OSTN: variants seen among roughly 807,000 people sequenced by gnomAD.
The protein encoded by OSTN is osteocrin.
Under a neutral mutation model 12.0 loss-of-function variants are expected in OSTN, and 9 were observed. That is an observed-to-expected ratio of 0.75 (90% CI 0.45 to 1.30). OSTN has a LOEUF of 1.30. Among genes scored for constraint, OSTN ranks in the 50% most tolerant of loss-of-function variants. OSTN has a pLI of 0.00. For missense variants in OSTN, 148 were observed against 152.3 expected (o/e 0.97, Z 0.15); for synonymous variants, 59 against 56.9 (o/e 1.04, Z -0.16).
At position 191,216,947 on chromosome 3, in the gene OSTN, A is replaced by T. The variant is rs1207136443; in HGVS notation, c.103-1800A>T. The T allele has an allele frequency of 2.6e-5, 4 of 152,388 alleles. No homozygotes were observed. In the East Asian group the frequency reaches 7.7e-4, roughly 29 times the overall value. The allele number at this position is 152,388 out of a possible 1,614,324, so 9.4% of individuals were successfully genotyped here. A position where few individuals can be genotyped will look rare whatever the true frequency, so the allele number is the denominator to read the frequency against. ...CAAAGTTGCTTCCACATTTTTGGGT[A>T]TCTTTATAGCAACACCCCACTCTCT... is the stretch of plus-strand genomic sequence containing the variant. On this transcript the variant is annotated intron_variant, in intron 2 of 4. Transcript: ENST00000682035.
Position 191,218,740 on chromosome 3 carries a change from C to CT in OSTN, c.103-5dup. 2 of 1,612,312 alleles carry CT rather than the reference C, an allele frequency of 1.2e-6. No homozygotes were observed. The stretch of plus-strand genomic sequence containing the variant: ...AATTAACGGAATCGCCTTTCTCTGC[C>CT]TTATAGGCCTTTGATTCTGGAGTCA... On this transcript the variant is annotated splice_polypyrimidine_tract_variant and splice_region_variant and intron_variant, in intron 2 of 4. Coordinates refer to ENST00000682035, the MANE Select transcript of OSTN (RefSeq NM_198184.2).
At chr3:191,207,291 C>A (rs933173660) in intron 1 of OSTN, among the ~76,000 whole-genome samples, 2 of 151,978 alleles carry the variant, frequency 1.3e-5, no homozygotes, top group African/African-American at 2.4e-5. Flanking sequence ...AAACCTAGTA[C>A]CTTTGTGAAT....
chr3:191,204,078 C>G (rs1714214621), intron 1 of OSTN, among the ~76,000 whole-genome samples: 1 of 152,062 alleles, frequency 6.6e-6, no homozygotes, highest in Admixed American at 6.6e-5. Flanking sequence ...GTAGTAGAAA[C>G]GGGGTTTCAC....
At chr3:191,211,766 TCTC>T (rs1481196166) in intron 1 of OSTN, among the ~76,000 whole-genome samples, 1 of 152,166 alleles carries the variant, frequency 6.6e-6, no homozygotes, top group African/African-American at 2.4e-5. Flanking sequence ...TCCCTTCAGT[TCTC>T]CTCTTTTCTA....
At chr3:191,240,088 G>C (rs1453952743) in intron 3 of OSTN, among the ~76,000 whole-genome samples, 2 of 152,036 alleles carry the variant, frequency 1.3e-5, no homozygotes, top group Non-Finnish European at 2.9e-5. Flanking sequence ...ATGTAGAATT[G>C]AGAAAAAAAG....
At chr3:191,232,264 C>T (rs750038815) in intron 3 of OSTN, among the ~76,000 whole-genome samples, 3 of 131,244 alleles carry the variant, frequency 2.3e-5, no homozygotes, top group Non-Finnish European at 3.1e-5. Context: ...ACGTGGGAGG[C>T]GGAGGTTTCA....
At chr3:191,209,002 AC>A (rs1355871392) in intron 1 of OSTN, among the ~76,000 whole-genome samples, 1 of 152,150 alleles carries the variant, frequency 6.6e-6, no homozygotes, top group African/African-American at 2.4e-5. Flanking sequence ...TACCAAAAAT[AC>A]AAAAAATTAG....
chr3:191,216,544 C>T (rs1203247878), intron 2 of OSTN, among the ~76,000 whole-genome samples: 1 of 128,728 alleles, frequency 7.8e-6, no homozygotes, highest in Non-Finnish European at 1.6e-5. Context: ...TTCAAGCCAT[C>T]TCCTTGTGAT....
Position 191,235,330 on chromosome 3 carries a change from C to G in OSTN, c.318-14707C>G, listed in dbSNP as rs180813433. 2.3e-4 allele frequency among the ~76,000 whole-genome samples: 35 copies of G among 152,310 alleles called. No individual in the cohort carries two copies. The East Asian group carries it at 6.4e-3, about 28-fold the overall frequency. ...CTAATAAAGCTTCTCTTTTCCCTAG[C>G]TTGGACCCCATTCATCCTGGAAGGC... On this transcript the variant is annotated intron_variant, in intron 3 of 4. Transcript: ENST00000682035.
rs150389162 is a variant in OSTN, at chr3:191,234,278, T to C, written c.317+15317T>C. On this transcript the variant is annotated intron_variant, in intron 3 of 4. Coordinates refer to ENST00000682035, the MANE Select transcript of OSTN (RefSeq NM_198184.2). ...GAGGGTTTTTTCAAAGGAAGACTATTTACAAAACTCTGGGTACAGGTAGAT... is the reference window on the plus strand; with the variant it reads ...GAGGGTTTTTTCAAAGGAAGACTATCTACAAAACTCTGGGTACAGGTAGAT... 4.8e-3 allele frequency among the ~76,000 whole-genome samples: 732 copies of C among 152,170 alleles called. 5 individuals carry two copies. The highest frequency in any genetic ancestry group is 0.016 in the African/African-American group (670 of 41,504).
intron 1 of OSTN, among the ~76,000 whole-genome samples, chr3:191,203,069 G>A (rs547842439): frequency 6.6e-6 from 1 of 152,164 alleles, no homozygotes; most frequent in Non-Finnish European, 1.5e-5. Context: ...GGATGTATCA[G>A]GATTCCAGCA....
At chr3:191,215,848 G>A (rs939758323) in intron 2 of OSTN, among the ~76,000 whole-genome samples, 3 of 152,138 alleles carry the variant, frequency 2.0e-5, no homozygotes, top group African/African-American at 4.8e-5. Context: ...GGCTTTTCTA[G>A]ATGCACAGTG....
At chr3:191,259,200 G>GTT (rs34341899) in intron 4 of OSTN, among the ~76,000 whole-genome samples, 84 of 147,326 alleles carry the variant, frequency 5.7e-4, no homozygotes, top group African/African-American at 5.3e-4. Flanking sequence ...AAAACAATCT[G>GTT]TTTTTTTTTT....
At chr3:191,211,805 C>T (rs1714425121) in intron 1 of OSTN, among the ~76,000 whole-genome samples, 1 of 151,754 alleles carries the variant, frequency 6.6e-6, no homozygotes, top group Admixed American at 6.6e-5. Flanking sequence ...TAACTTTGGC[C>T]CATTTTTATT....
chr3:191,204,895 C>G (rs998210401), intron 1 of OSTN, among the ~76,000 whole-genome samples: 3 of 152,154 alleles, frequency 2.0e-5, no homozygotes, highest in Admixed American at 6.5e-5. Context: ...CTTCAAACAT[C>G]TGCCTTCAGC....
chr3:191,262,439 G>A (rs1715833213), intron 4 of OSTN, among the ~76,000 whole-genome samples: 1 of 152,200 alleles, frequency 6.6e-6, no homozygotes, highest in Middle Eastern at 3.4e-3. Flanking sequence ...TTGGATTCTT[G>A]GTAGAATGTG....
At chr3:191,221,593 G>C (rs1413407106) in intron 3 of OSTN, among the ~76,000 whole-genome samples, 4 of 152,126 alleles carry the variant, frequency 2.6e-5, no homozygotes, top group Non-Finnish European at 5.9e-5. Flanking sequence ...GAGGTCTGAG[G>C]AACTTTGAAC....
At chr3:191,246,777 G>T (rs1715444112) in intron 3 of OSTN, among the ~76,000 whole-genome samples, 2 of 151,596 alleles carry the variant, frequency 1.3e-5, no homozygotes, top group Admixed American at 1.3e-4. Flanking sequence ...AGGAGGAGAA[G>T]AACTAGAGGC....
intron 4 of OSTN, among the ~76,000 whole-genome samples, chr3:191,253,197 T>C (rs973092010): frequency 6.6e-6 from 1 of 152,254 alleles, no homozygotes; most frequent in African/African-American, 2.4e-5. Flanking sequence ...TTTGTTTCAC[T>C]TCTGTGCAGG....
Sources: gnomAD v4.1 joint callset for allele counts (sites outside exome capture counted in the v4.1 genomes callset) on GRCh38, gnomAD v4.1.1 for gene constraint, MANE v1.5 for transcripts, NCBI Gene and HGNC (gene_info 2026-07-23, HGNC 2026-07-21) for gene names.